ZNF18: variants seen among roughly 807,000 people sequenced by gnomAD.
The protein encoded by ZNF18 is zinc finger protein 18, also known as heart development-specific gene 1 protein.
Under a neutral mutation model 58.1 loss-of-function variants are expected in ZNF18, and 42 were observed. The observed-to-expected ratio is 0.72, with a 90% CI of 0.56 to 0.93. The LOEUF is 0.93. ZNF18 is among the 40% of genes least tolerant of loss of function. The probability of loss-of-function intolerance (pLI) is 0.00; values close to 1 mark genes in which losing one functional copy is unlikely to be tolerated. For missense variants in ZNF18, 540 were observed against 644.2 expected (o/e 0.84, Z 1.75); for synonymous variants, 231 against 239.8 (o/e 0.96, Z 0.34).
At position 11,990,449 on chromosome 17, in the gene ZNF18, T is replaced by A. The variant is rs1413731243; in HGVS notation, c.666+13A>T. On this transcript the variant is annotated intron_variant, in intron 4 of 6. Coordinates refer to ENST00000580306, the MANE Select transcript of ZNF18 (RefSeq NM_001303281.2). ...AAAAGTTTCCTTTTCATCGCTTTTG[T>A]ACGTCAGCTCACCTGAGGTGCTGCT... 1 of 1,609,400 alleles carries A rather than the reference T, an allele frequency of 6.2e-7. No individual in the cohort carries two copies. The highest frequency in any genetic ancestry group is 8.5e-7 in the Non-Finnish European group (1 of 1,177,890).
In ZNF18 at chr17:11,990,473, C is replaced by T. The variant is rs991859324; in HGVS notation, c.655G>A (p.Ala219Thr). 2.5e-6 allele frequency: 4 copies of T among 1,612,774 alleles called. No individual in the cohort carries two copies. The highest frequency in any genetic ancestry group is 2.7e-5 in the African/African-American group (2 of 75,034). Residue 219 changes from alanine to threonine, a missense_variant, in exon 4 of 7, where the codon GCA becomes ACA. By Grantham distance (58) the Ala-to-Thr change is moderately conservative. Transcript: ENST00000580306. ...GTACGTCAGCTCACCTGAGGTGCTG[C>T]TGGGAGCAGTGAGGCTCCGAGGTCC... Reference protein sequence around the residue: ...DQDLGASLLPAAPQEQWRQLD... With the variant: ...DQDLGASLLPTAPQEQWRQLD...
At chr17:12,020,879 T>G in the ZNF18 span, 4 of 982,380 alleles carry the variant, frequency 4.1e-6, no homozygotes, top group East Asian at 1.3e-4. Flanking sequence ...GGCTCTTCAC[T>G]CCCAACAATG....
At chr17:12,006,282 A>G in the ZNF18 span, among the ~76,000 whole-genome samples, 1 of 152,202 alleles carries the variant, frequency 6.6e-6, no homozygotes, top group Non-Finnish European at 1.5e-5. Context: ...AAGAAGTTAA[A>G]ACAGAACTAG....
chr17:11,991,239 C>A, intron 2 of ZNF18, 76 bp from the exon 3 acceptor site: 1 of 1,257,280 alleles, frequency 8.0e-7, no homozygotes, highest in South Asian at 1.5e-5. Flanking sequence ...AGCTTACTCT[C>A]TACAACAGAT....
At chr17:11,997,605 C>T (rs973244407), upstream of ZNF18, 6 of 152,426 alleles carry the variant, frequency 3.9e-5, no homozygotes, top group East Asian at 1.9e-4. Flanking sequence ...GCGTTGCAGC[C>T]CAGGAGCCTC....
chr17:11,998,948 T>C (rs1968610495), upstream of ZNF18, among the ~76,000 whole-genome samples: 1 of 151,656 alleles, frequency 6.6e-6, no homozygotes, highest in Admixed American at 6.6e-5. Flanking sequence ...AGTGCTGGGA[T>C]TACAGGCATG....
rs745368418 is a variant in ZNF18, at chr17:11,978,380, G to C, written c.1227C>G (p.Thr409=). 18 of 1,552,868 alleles carry C rather than the reference G, an allele frequency of 1.2e-5. No homozygotes were observed. Among genetic ancestry groups the C allele is most frequent in the Non-Finnish European group, 1.6e-5 (18 of 1,153,930 alleles). ...PRAPMAQKLP[T]CRECGKTFYR... ...AAAAGGTCTTCCCACACTCCCTGCAGGTGGGGAGCTTCTGGGCCATGGGGG... is the reference window on the plus strand; with the variant it reads ...AAAAGGTCTTCCCACACTCCCTGCACGTGGGGAGCTTCTGGGCCATGGGGG... The change falls in exon 7 of 7, where the codon ACC becomes ACG. Residue 409 remains threonine, a synonymous_variant. Transcript: ENST00000580306.
chr17:11,978,058 C>G lies in ZNF18; in HGVS notation c.1549G>C (p.Glu517Gln). The G allele has an allele frequency of 6.2e-7, 1 of 1,614,006 alleles. No individual in the cohort carries two copies. Among genetic ancestry groups the G allele is most frequent in the East Asian group, 2.2e-5 (1 of 44,866 alleles). ...CAGTGCGAACATTTATAAGGTTTCT[C>G]TCCAGTGTGAACCCTCTGATGTCTA... ...FNRHQRVHTG[E>Q]KPYKCSHCGK... Residue 517 changes from glutamate (E) to glutamine (Q), a missense_variant, in exon 7 of 7, where the codon GAG (glutamate) becomes CAG (glutamine). By Grantham distance (29) the Glu-to-Gln change is conservative. Coordinates refer to ENST00000580306, the MANE Select transcript of ZNF18 (RefSeq NM_001303281.2).
At chr17:12,015,708 T>G in the ZNF18 span, among the ~76,000 whole-genome samples, 2 of 152,202 alleles carry the variant, frequency 1.3e-5, no homozygotes, top group Non-Finnish European at 2.9e-5. Flanking sequence ...TCAACCATTT[T>G]TTCAAAGTAA....
intron 4 of ZNF18, among the ~76,000 whole-genome samples, chr17:11,984,980 G>C (rs1231747628): frequency 6.6e-6 from 1 of 152,202 alleles, no homozygotes; most frequent in Non-Finnish European, 1.5e-5. Flanking sequence ...GAATCAGTAA[G>C]ATGTAGTTAA....
At chr17:11,986,266 CTCTT>C (rs1382215418) in intron 4 of ZNF18, among the ~76,000 whole-genome samples, 1 of 152,212 alleles carries the variant, frequency 6.6e-6, no homozygotes, top group East Asian at 1.9e-4. Flanking sequence ...CCAATTAAAC[CTCTT>C]TCTTTTGTAA....
the ZNF18 span, among the ~76,000 whole-genome samples, chr17:12,003,029 A>G: frequency 3.5e-4 from 53 of 152,350 alleles, no homozygotes; most frequent in African/African-American, 1.2e-3. Flanking sequence ...TCATGGCAGA[A>G]GGAAACTGAA....
At chr17:11,981,371 G>A (rs1967332916) in intron 6 of ZNF18, among the ~76,000 whole-genome samples, 1 of 148,430 alleles carries the variant, frequency 6.7e-6, no homozygotes, top group Admixed American at 6.8e-5. Flanking sequence ...CCAGGCTGGA[G>A]TGCAATGGCG....
chr17:12,006,466 C>T, the ZNF18 span, among the ~76,000 whole-genome samples: 4 of 152,144 alleles, frequency 2.6e-5, no homozygotes, highest in African/African-American at 9.7e-5. Context: ...ATGTAAAATA[C>T]CTAGAACAGT....
chr17:11,986,784 G>A (rs1352988463), intron 4 of ZNF18, among the ~76,000 whole-genome samples: 1 of 152,130 alleles, frequency 6.6e-6, no homozygotes, highest in Admixed American at 6.5e-5. Context: ...TATCTGCCTG[G>A]CTGCCTGGCT....
intron 2 of ZNF18, among the ~76,000 whole-genome samples, chr17:11,991,996 C>T (rs575889622): frequency 1.5e-4 from 23 of 152,148 alleles, no homozygotes; most frequent in Non-Finnish European, 1.8e-4. Context: ...ATGGAAGCTC[C>T]ACGCTCTTTC....
intron 4 of ZNF18, among the ~76,000 whole-genome samples, chr17:11,986,351 A>G (rs956591274): frequency 2.0e-5 from 3 of 152,208 alleles, no homozygotes; most frequent in African/African-American, 7.2e-5. Flanking sequence ...TCCTAAGTCA[A>G]GTCTGCCCCC....
the ZNF18 span, among the ~76,000 whole-genome samples, chr17:12,007,686 G>C: frequency 6.6e-6 from 1 of 152,166 alleles, no homozygotes; most frequent in African/African-American, 2.4e-5. Flanking sequence ...TGCTGCTGGG[G>C]ATGGCTAGAC....
chr17:12,019,457 T>C, the ZNF18 span, among the ~76,000 whole-genome samples: 3 of 152,070 alleles, frequency 2.0e-5, no homozygotes, highest in Non-Finnish European at 4.4e-5. Context: ...TAAGATGCCC[T>C]AGGAGCAACA....
Sources: allele counts gnomAD v4.1 joint callset (sites outside exome capture counted in the v4.1 genomes callset), GRCh38; gene constraint gnomAD v4.1.1; transcripts MANE v1.5; gene names NCBI Gene and HGNC (gene_info 2026-07-23, HGNC 2026-07-21).